The following MEGF11 variants were observed in gnomAD, a reference collection of about 807,000 sequenced individuals.
MEGF11 encodes the protein multiple EGF like domains 11.
A neutral mutation model predicts 146.6 loss-of-function variants in MEGF11; 126 were observed. That is an observed-to-expected ratio of 0.86 (90% CI 0.74 to 1.00). The LOEUF (loss-of-function observed/expected upper bound fraction) is 1.00. MEGF11 is among the 50% of genes least tolerant of loss of function. The pLI is 0.00. For synonymous variants in MEGF11, 532 were observed against 583.4 expected, an observed-to-expected ratio of 0.91 and a Z score of 1.27; for missense variants, 1,509 against 1,521.2, an observed-to-expected ratio of 0.99 and a Z score of 0.13.
chr15:66,066,189 G>C (rs1301798468), intron 5 of MEGF11, among the ~76,000 whole-genome samples: 2 of 152,166 alleles, frequency 1.3e-5, no homozygotes, highest in East Asian at 3.9e-4. Context: ...ACAAGATCAT[G>C]AGCAGGGTGC....
chr15:66,068,343 G>A (rs893274168), intron 5 of MEGF11, among the ~76,000 whole-genome samples: 3 of 152,248 alleles, frequency 2.0e-5, no homozygotes, highest in African/African-American at 4.8e-5. Context: ...ACCCTTGTGT[G>A]GGCTGTCCTG....
chr15:66,002,499 G>T (rs3910311), intron 5 of MEGF11, among the ~76,000 whole-genome samples: 2,394 of 152,282 alleles, frequency 0.016, 65 homozygotes, highest in African/African-American at 0.053. Flanking sequence ...GGGCATTAAG[G>T]TATAGGAATT....
intron 10 of MEGF11, among the ~76,000 whole-genome samples, chr15:65,941,887 GCT>G (rs1220268866): frequency 6.6e-6 from 1 of 152,214 alleles, no homozygotes; most frequent in Non-Finnish European, 1.5e-5. Flanking sequence ...TGGCCCTGTG[GCT>G]TAGGGCAGAC....
At position 65,955,794 on chromosome 15, in the gene MEGF11, A is replaced by ATATATATG. The variant is rs1567175147; in HGVS notation, c.1287+1752_1287+1753insCATATATA. 5.1e-3 allele frequency among the ~76,000 whole-genome samples: 132 copies of ATATATATG among 25,740 alleles called. 19 individuals carry two copies. In the East Asian group the frequency reaches 0.074, roughly 15 times the overall value. 16.9% of individuals were successfully genotyped at this position (25,740 alleles called of 152,430 possible). A position where few individuals can be genotyped will look rare whatever the true frequency, so the allele number is the denominator to read the frequency against. ...TATATATATATATATATATATATAT[A>ATATATATG]CACACACACACACACACACAATACT... On this transcript the variant is annotated intron_variant, in intron 10 of 25. Transcript: ENST00000395614.
intron 5 of MEGF11, among the ~76,000 whole-genome samples, chr15:66,090,941 G>T (rs2086294829): frequency 6.6e-6 from 1 of 152,196 alleles, no homozygotes. Flanking sequence ...GGAAGGATAA[G>T]CACCCAAATG....
chr15:66,084,161 GTATAT>G (rs2086005495), intron 5 of MEGF11, among the ~76,000 whole-genome samples: 1 of 152,094 alleles, frequency 6.6e-6, no homozygotes, highest in Non-Finnish European at 1.5e-5. Context: ...GACTACCATC[GTATAT>G]GCGGTCAGTC....
At chr15:65,921,675 A>G (rs2079175267) in intron 15 of MEGF11, 2 of 152,488 alleles carry the variant, frequency 1.3e-5, no homozygotes, top group Admixed American at 1.3e-4. Flanking sequence ...AACCATTGGT[A>G]CCTTAAAATC....
chr15:66,231,883 C>T (rs904959189), intron 1 of MEGF11, among the ~76,000 whole-genome samples: 18 of 152,358 alleles, frequency 1.2e-4, no homozygotes, highest in African/African-American at 4.1e-4. Flanking sequence ...ACAACTAACC[C>T]TCACCAAGCC....
intron 1 of MEGF11, among the ~76,000 whole-genome samples, chr15:66,133,719 T>C (rs1391217524): frequency 1.3e-5 from 2 of 152,162 alleles, no homozygotes; most frequent in African/African-American, 2.4e-5. Context: ...TGAAGCCTCC[T>C]GCCCTGCAGC....
intron 1 of MEGF11, among the ~76,000 whole-genome samples, chr15:66,158,867 C>G (rs866157995): frequency 2.0e-5 from 3 of 152,214 alleles, no homozygotes; most frequent in Non-Finnish European, 4.4e-5. Context: ...AGCATCCAGT[C>G]TCCGCTTAAT....
chr15:66,014,646 C>T (rs549797898), intron 5 of MEGF11, among the ~76,000 whole-genome samples: 2 of 152,318 alleles, frequency 1.3e-5, no homozygotes, highest in East Asian at 1.9e-4. Context: ...GAGGCAACTC[C>T]AGGGACAAAG....
Position 65,982,882 on chromosome 15 carries a change from T to C in MEGF11, c.395-394A>G, listed in dbSNP as rs2081708823. 6.6e-6 allele frequency among the ~76,000 whole-genome samples: 1 copy of C among 151,958 alleles called. No homozygotes were observed. The highest frequency in any genetic ancestry group is 1.5e-5 in the Non-Finnish European group (1 of 67,992). ...GTTTCTGTTCCTTTCTGCCGGGCCC[T>C]TTCTTTTCCCATCTGCCACCCCTCT... On this transcript the variant is annotated intron_variant, in intron 5 of 25. Transcript: ENST00000395614. The surrounding 1 kb of genome is among the most constrained non-coding windows in gnomAD (Gnocchi z 5.6).
intron 1 of MEGF11, among the ~76,000 whole-genome samples, chr15:66,251,873 G>A (rs532630768): frequency 6.6e-6 from 1 of 152,334 alleles, no homozygotes; most frequent in African/African-American, 2.4e-5. Flanking sequence ...CAAAATGTGA[G>A]CAACGGAGAG....
chr15:66,018,816 GGA>G (rs761641012), intron 5 of MEGF11, among the ~76,000 whole-genome samples: 1 of 152,234 alleles, frequency 6.6e-6, no homozygotes, highest in Non-Finnish European at 1.5e-5. Flanking sequence ...AGAAACATTT[GGA>G]GAGAGACTGA....
chr15:66,204,665 G>A (rs1404979482), intron 1 of MEGF11, among the ~76,000 whole-genome samples: 3 of 152,160 alleles, frequency 2.0e-5, no homozygotes, highest in Non-Finnish European at 2.9e-5. Flanking sequence ...CAATAAACTT[G>A]CACATGCAGA....
chr15:66,145,148 T>A (rs556771567), intron 1 of MEGF11, among the ~76,000 whole-genome samples: 1 of 152,332 alleles, frequency 6.6e-6, no homozygotes, highest in East Asian at 1.9e-4. Flanking sequence ...AGGCCTGAGC[T>A]GAGAGCAGGC....
intron 1 of MEGF11, among the ~76,000 whole-genome samples, chr15:66,129,892 T>C (rs756564353): frequency 5.2e-4 from 79 of 152,192 alleles, no homozygotes; most frequent in Non-Finnish European, 9.7e-4. Flanking sequence ...CTGGAAATCA[T>C]CTGACTGAAA....
intron 5 of MEGF11, among the ~76,000 whole-genome samples, chr15:65,987,265 C>T (rs1036175631): frequency 2.0e-5 from 3 of 151,886 alleles, no homozygotes; most frequent in Admixed American, 6.5e-5. Context: ...AATAATAGCA[C>T]TTGCTGCAGA....
At chr15:65,909,612 A>G (rs1567150583) in intron 22 of MEGF11, 128 bp downstream of exon 22, 1 of 953,438 alleles carries the variant, frequency 1.0e-6, no homozygotes, top group South Asian at 1.6e-5. Context: ...GTGAGAGCCA[A>G]AATTTCTCCC....
Sources: allele counts gnomAD v4.1 joint callset (sites outside exome capture counted in the v4.1 genomes callset), GRCh38; gene constraint gnomAD v4.1.1; non-coding constraint Gnocchi (gnomAD v3.1); transcripts MANE v1.5; gene names NCBI Gene and HGNC (gene_info 2026-07-23, HGNC 2026-07-21).